UBE2E1: variants seen among roughly 807,000 people sequenced by gnomAD.
UBE2E1 encodes the protein ubiquitin-conjugating enzyme E2 E1.
In UBE2E1, 6 loss-of-function variants were observed where a neutral mutation model predicts 21.4. That is an observed-to-expected ratio of 0.28 (90% CI 0.15 to 0.55). The LOEUF (loss-of-function observed/expected upper bound fraction) is 0.55. Among genes scored for constraint, UBE2E1 ranks in the 20% least tolerant of loss-of-function variants. UBE2E1 has a pLI of 0.93. For synonymous variants in UBE2E1, 87 were observed against 82.7 expected (o/e 1.05, Z -0.28); for missense variants, 142 against 236.5 (o/e 0.60, Z 2.62).
intron 3 of UBE2E1, among the ~76,000 whole-genome samples, chr3:23,830,936 A>C (rs993004964): frequency 6.6e-6 from 1 of 152,222 alleles, no homozygotes; most frequent in African/African-American, 2.4e-5. Flanking sequence ...GTTGGTGGTC[A>C]TGTAATCCCA....
intron 4 of UBE2E1, 63 bp from the exon 5 acceptor site, chr3:23,889,049 G>C: frequency 6.6e-7 from 1 of 1,510,466 alleles, no homozygotes; most frequent in East Asian, 2.3e-5. Context: ...GGGTCATTCA[G>C]TTGAATATTT....
rs182654917 is a variant in UBE2E1, at chr3:23,858,830, C to T, written c.204-28737C>T. On this transcript the variant is annotated intron_variant, in intron 3 of 5. Transcript: ENST00000306627. ...AAGTAAAAGAAAGGGAGCTTGAAAG[C>T]TGGCATGCTATCTGCTTACATGTGA... 2.5e-4 allele frequency among the ~76,000 whole-genome samples: 38 copies of T among 152,280 alleles called. 1 individual carries two copies. The Middle Eastern group carries it at 0.014, about 55-fold the overall frequency.
At chr3:23,851,202 T>G (rs1700318124) in intron 3 of UBE2E1, among the ~76,000 whole-genome samples, 1 of 152,200 alleles carries the variant, frequency 6.6e-6, no homozygotes. Context: ...AATTTACCTG[T>G]AAATGTAAGA....
At chr3:23,861,602 G>A (rs1700559221) in intron 3 of UBE2E1, among the ~76,000 whole-genome samples, 1 of 152,212 alleles carries the variant, frequency 6.6e-6, no homozygotes, top group Admixed American at 6.5e-5. Flanking sequence ...ACCCTAGCAG[G>A]AAGACACACA....
At chr3:23,851,177 C>G (rs1388666285) in intron 3 of UBE2E1, among the ~76,000 whole-genome samples, 1 of 152,104 alleles carries the variant, frequency 6.6e-6, no homozygotes, top group Non-Finnish European at 1.5e-5. Context: ...TGATTTGGCA[C>G]TCTTGTCAAA....
At position 23,842,198 on chromosome 3, in the gene UBE2E1, GGTGTGTGTGTGTGTGTGTGTGTGTGT is replaced by G. The variant is rs55941535; in HGVS notation, c.203+30714_203+30739del. ...TATGTCATGACCCAGTAAGTGAAGG[GGTGTGTGTGTGTGTGTGTGTGTGTGT>G]GTGTGTGTGTGTGTGTGTGTGTGTG... On this transcript the variant is annotated intron_variant, in intron 3 of 5. Coordinates refer to ENST00000306627, the MANE Select transcript of UBE2E1 (RefSeq NM_003341.5). The surrounding 1 kb of genome is among the most constrained non-coding windows in gnomAD (Gnocchi z 4.6). Among the ~76,000 whole-genome samples the G allele has an allele frequency of 9.6e-6, 1 of 104,284 alleles. No individual in the cohort carries two copies. Among genetic ancestry groups the G allele is most frequent in the Non-Finnish European group, 2.0e-5 (1 of 50,894 alleles). 68.4% of individuals were successfully genotyped at this position (104,284 alleles called of 152,430 possible).
chr3:23,876,300 G>A lies in UBE2E1; in HGVS notation c.204-11267G>A, dbSNP rs994236052. On this transcript the variant is annotated intron_variant, in intron 3 of 5. Coordinates refer to ENST00000306627, the MANE Select transcript of UBE2E1 (RefSeq NM_003341.5). This position sits in a 1 kb window ranked among gnomAD's most constrained non-coding sequence, Gnocchi z 4.3. ...GCTTTTTAATAGCACTTACAAAATC[G>A]TGTCACTACCCTGTTAGTTTCTTTA... 2.6e-5 allele frequency among the ~76,000 whole-genome samples: 4 copies of A among 152,120 alleles called. No homozygotes were observed. The highest frequency in any genetic ancestry group is 9.7e-5 in the African/African-American group (4 of 41,406).
At chr3:23,866,917 G>A (rs1700668894) in intron 3 of UBE2E1, among the ~76,000 whole-genome samples, 1 of 152,176 alleles carries the variant, frequency 6.6e-6, no homozygotes. Flanking sequence ...TTTGTGTTGA[G>A]TCCAAAGACA....
At chr3:23,819,748 G>T (rs2125285834) in intron 3 of UBE2E1, among the ~76,000 whole-genome samples, 2 of 152,310 alleles carry the variant, frequency 1.3e-5, no homozygotes, top group Non-Finnish European at 2.9e-5. Flanking sequence ...TCCATTGCTG[G>T]CAGTCTTTCT....
At chr3:23,878,161 A>G (rs763011906) in intron 3 of UBE2E1, among the ~76,000 whole-genome samples, 2 of 152,138 alleles carry the variant, frequency 1.3e-5, no homozygotes, top group Non-Finnish European at 2.9e-5. Context: ...GGGTAGGGAG[A>G]AGAGACCACT....
intron 3 of UBE2E1, among the ~76,000 whole-genome samples, chr3:23,817,352 G>C (rs1262430971): frequency 6.6e-6 from 1 of 150,574 alleles, no homozygotes; most frequent in Non-Finnish European, 1.5e-5. Context: ...AACCCTGGAG[G>C]CAGAGGTTGC....
intron 3 of UBE2E1, among the ~76,000 whole-genome samples, chr3:23,819,997 GT>G (rs1699613592): frequency 6.6e-6 from 1 of 152,272 alleles, no homozygotes; most frequent in Non-Finnish European, 1.5e-5. Flanking sequence ...TTATTATAAA[GT>G]TACCTTATGT....
intron 3 of UBE2E1, among the ~76,000 whole-genome samples, chr3:23,885,607 T>A (rs1701163620): frequency 6.6e-6 from 1 of 152,128 alleles, no homozygotes; most frequent in African/African-American, 2.4e-5. Flanking sequence ...ACACCTATAA[T>A]CCCAGCACTC....
Position 23,807,320 on chromosome 3 carries a change from T to C in UBE2E1, c.51T>C (p.Ser17=). The change falls in exon 2 of 6, where the codon TCT becomes TCC. Residue 17 remains serine (S), a synonymous_variant. Coordinates refer to ENST00000306627, the MANE Select transcript of UBE2E1 (RefSeq NM_003341.5). ...RASTSSSSSS[S]SNQQTEKETN... ...GCACCAGCTCCTCCTCATCTTCGTCTTCCAACCAGCAAACCGAGAAAGAAA... is the reference window on the plus strand; with the variant it reads ...GCACCAGCTCCTCCTCATCTTCGTCCTCCAACCAGCAAACCGAGAAAGAAA... The C allele has an allele frequency of 6.2e-7, 1 of 1,614,008 alleles. No individual in the cohort carries two copies. Among genetic ancestry groups the C allele is most frequent in the South Asian group, 1.1e-5 (1 of 91,042 alleles).
chr3:23,825,474 G>A (rs991232112), intron 3 of UBE2E1, among the ~76,000 whole-genome samples: 3 of 152,132 alleles, frequency 2.0e-5, no homozygotes, highest in Non-Finnish European at 4.4e-5. Context: ...CTGTCTCTGT[G>A]CTCATGGAGA....
chr3:23,881,693 C>T lies in UBE2E1; in HGVS notation c.204-5874C>T, dbSNP rs553867524. On this transcript the variant is annotated intron_variant, in intron 3 of 5. Coordinates refer to ENST00000306627, the MANE Select transcript of UBE2E1 (RefSeq NM_003341.5). ...CAAAATTATGAAATGTACTTTTCTG[C>T]TCCCATTGTGTCCGGAATTGGTGGG... 6.6e-5 allele frequency among the ~76,000 whole-genome samples: 10 copies of T among 152,326 alleles called. No homozygotes were observed. In the South Asian group the frequency reaches 2.1e-3, roughly 32 times the overall value.
intron 3 of UBE2E1, among the ~76,000 whole-genome samples, chr3:23,817,746 A>C (rs1699560403): frequency 6.6e-6 from 1 of 152,136 alleles, no homozygotes; most frequent in African/African-American, 2.4e-5. Flanking sequence ...AAGACAGAAA[A>C]AGGGCACTAT....
intron 2 of UBE2E1, chr3:23,811,152 C>T: frequency 2.4e-6 from 1 of 421,642 alleles, no homozygotes; most frequent in Non-Finnish European, 4.3e-6. Context: ...AACCGGTCGG[C>T]AAGTGAGAAA....
At chr3:23,839,126 T>C (rs1022462148) in intron 3 of UBE2E1, among the ~76,000 whole-genome samples, 1 of 152,136 alleles carries the variant, frequency 6.6e-6, no homozygotes, top group Non-Finnish European at 1.5e-5. Flanking sequence ...CCCCAAAATA[T>C]ATTGTTACTA....
Sources: allele counts gnomAD v4.1 joint callset (sites outside exome capture counted in the v4.1 genomes callset), GRCh38; gene constraint gnomAD v4.1.1; non-coding constraint Gnocchi (gnomAD v3.1); transcripts MANE v1.5; gene names NCBI Gene and HGNC (gene_info 2026-07-23, HGNC 2026-07-21).